Variants in HSD17B12 observed in about 807,000 individuals in gnomAD.
The protein encoded by HSD17B12 is hydroxysteroid 17-beta dehydrogenase 12, also known as very-long-chain 3-oxoacyl-CoA reductase.
Under a neutral mutation model 39.3 loss-of-function variants are expected in HSD17B12, and 32 were observed. That is an observed-to-expected ratio of 0.81 (90% confidence interval 0.61 to 1.09). The LOEUF (loss-of-function observed/expected upper bound fraction) is 1.09, where lower values mean the gene tolerates loss of function less well. Among genes scored for constraint, HSD17B12 ranks in the 50% least tolerant of loss-of-function variants. The pLI, the probability that HSD17B12 is intolerant of heterozygous loss-of-function variation, is 0.00. For missense variants in HSD17B12, 342 were observed against 382.9 expected (o/e 0.89, Z 0.89); for synonymous variants, 150 against 146.7 (o/e 1.02, Z -0.16).
At chr11:43,627,559 T>A in the HSD17B12 span, among the ~76,000 whole-genome samples, 25 of 152,098 alleles carry the variant, frequency 1.6e-4, no homozygotes, top group Non-Finnish European at 3.2e-4. Context: ...CAATGAAAGC[T>A]TAAAAATTAA....
the HSD17B12 span, among the ~76,000 whole-genome samples, chr11:43,589,118 A>ACGTGT: frequency 6.6e-6 from 1 of 152,190 alleles, no homozygotes; most frequent in Admixed American, 6.5e-5. Flanking sequence ...ATAAGGAAAA[A>ACGTGT]TAGAAGGGCA....
intron 1 of HSD17B12, chr11:43,681,260 C>G (rs2134734213): frequency 2.5e-6 from 2 of 803,838 alleles, no homozygotes; most frequent in Non-Finnish European, 1.7e-6. Flanking sequence ...CCTTAAGTCT[C>G]TGGGGCTTGT....
At chr11:43,652,831 G>A in the HSD17B12 span, among the ~76,000 whole-genome samples, 116 of 152,190 alleles carry the variant, frequency 7.6e-4, no homozygotes, top group Middle Eastern at 3.4e-3. Context: ...TGGAGACTTC[G>A]TTGGTTAGGC....
chr11:43,722,539 T>A (rs964470971), intron 1 of HSD17B12, among the ~76,000 whole-genome samples: 37 of 151,530 alleles, frequency 2.4e-4, no homozygotes, highest in African/African-American at 8.5e-4. Context: ...TAGTGAGCTC[T>A]TGTCTCTACA....
intron 6 of HSD17B12, 115 bp from the exon 7 acceptor site, chr11:43,830,861 G>T: frequency 1.3e-6 from 1 of 786,252 alleles, no homozygotes; most frequent in South Asian, 1.7e-5. Flanking sequence ...GCTGTCTGTA[G>T]AAGTGGTGAA....
chr11:43,794,794 C>A (rs1391539753), intron 3 of HSD17B12, among the ~76,000 whole-genome samples: 1 of 152,184 alleles, frequency 6.6e-6, no homozygotes, highest in African/African-American at 2.4e-5. Context: ...TCATTGCAAC[C>A]TCCAAATCCA....
chr11:43,811,514 T>C (rs1364956797), intron 4 of HSD17B12, among the ~76,000 whole-genome samples: 1 of 152,220 alleles, frequency 6.6e-6, no homozygotes, highest in Admixed American at 6.5e-5. Context: ...TATGAAAACA[T>C]AGCCCTTCTC....
chr11:43,844,440 CT>C lies in HSD17B12; in HGVS notation c.684+4377del, dbSNP rs556316374. On this transcript the variant is annotated intron_variant, in intron 9 of 10. Coordinates refer to ENST00000278353, the MANE Select transcript of HSD17B12 (RefSeq NM_016142.3). ...AATGCCCTGGAGGTGAATGATGGGC[CT>C]GAGAGACTATTTGATTTTGAACAGA... Among the ~76,000 whole-genome samples the C allele has an allele frequency of 2.6e-3, 400 of 152,106 alleles. 1 individual carries two copies. Among genetic ancestry groups the C allele is most frequent in the Non-Finnish European group, 3.6e-3 (247 of 68,002 alleles).
intron 7 of HSD17B12, among the ~76,000 whole-genome samples, chr11:43,834,917 C>G (rs927442241): frequency 1.3e-5 from 2 of 151,976 alleles, no homozygotes; most frequent in African/African-American, 2.4e-5. Context: ...CTAGTAGATC[C>G]TCAGTAATTT....
At chr11:43,690,262 T>C (rs1949841185) in intron 1 of HSD17B12, among the ~76,000 whole-genome samples, 1 of 150,848 alleles carries the variant, frequency 6.6e-6, no homozygotes, top group African/African-American at 2.4e-5. Context: ...AGGATCTTTG[T>C]CTTTTAATCT....
chr11:43,617,030 C>A, the HSD17B12 span, among the ~76,000 whole-genome samples: 1 of 149,624 alleles, frequency 6.7e-6, no homozygotes, highest in African/African-American at 2.5e-5. Context: ...TTCTGTTAAA[C>A]TAGACATCAC....
intron 3 of HSD17B12, among the ~76,000 whole-genome samples, chr11:43,784,301 ATATTAT>A (rs36168037): frequency 0.33 from 46,701 of 142,934 alleles, 8,476 homozygotes; most frequent in East Asian, 0.52. Context: ...TCAGGGATTG[ATATTAT>A]TATTATTATT....
intron 4 of HSD17B12, among the ~76,000 whole-genome samples, chr11:43,804,820 CTG>C (rs1482957938): frequency 6.6e-6 from 1 of 152,214 alleles, no homozygotes; most frequent in Non-Finnish European, 1.5e-5. Context: ...CAGAGTAACT[CTG>C]TCTCTGTGTA....
the HSD17B12 span, among the ~76,000 whole-genome samples, chr11:43,675,329 G>A: frequency 6.6e-6 from 1 of 152,164 alleles, no homozygotes. Flanking sequence ...GTGAACAAAA[G>A]CCTAAATAAT....
intron 1 of HSD17B12, among the ~76,000 whole-genome samples, chr11:43,706,567 G>T (rs937799584): frequency 6.6e-6 from 1 of 152,146 alleles, no homozygotes; most frequent in Non-Finnish European, 1.5e-5. Flanking sequence ...ACCTCAGTCT[G>T]TGAAGACTTT....
At chr11:43,613,688 A>G in the HSD17B12 span, among the ~76,000 whole-genome samples, 1 of 144,894 alleles carries the variant, frequency 6.9e-6, no homozygotes, top group Non-Finnish European at 1.5e-5. Context: ...TTTTTTTGAG[A>G]TGGAGTCTCA....
At chr11:43,839,953 T>C (rs1194941723) in intron 8 of HSD17B12, 46 bp from the exon 9 acceptor site, 3 of 1,403,536 alleles carry the variant, frequency 2.1e-6, no homozygotes, top group Non-Finnish European at 3.0e-6. Context: ...ATCAGGCAGA[T>C]TGATGTAATG....
chr11:43,624,576 G>A, the HSD17B12 span, among the ~76,000 whole-genome samples: 2 of 151,650 alleles, frequency 1.3e-5, no homozygotes, highest in Non-Finnish European at 3.0e-5. Flanking sequence ...GTACAAACTA[G>A]GGTAGACATT....
chr11:43,780,499 T>TCA (rs921854342), intron 3 of HSD17B12, among the ~76,000 whole-genome samples: 30 of 152,096 alleles, frequency 2.0e-4, no homozygotes, highest in African/African-American at 6.8e-4. Flanking sequence ...ATACATATGT[T>TCA]ACATATGTAA....
Sources: gnomAD v4.1 joint callset for allele counts (sites outside exome capture counted in the v4.1 genomes callset) on GRCh38, gnomAD v4.1.1 for gene constraint, MANE v1.5 for transcripts, NCBI Gene and HGNC (gene_info 2026-07-23, HGNC 2026-07-21) for gene names.